Variants in FAM153A observed in about 807,000 individuals in gnomAD.
FAM153A encodes the protein family with sequence similarity 153 member A.
In FAM153A, 12 loss-of-function variants were observed where a neutral mutation model predicts 48.1. The ratio of observed to expected loss-of-function variants is 0.25; its 90% CI spans 0.16 to 0.40. The LOEUF is 0.40. FAM153A is among the 10% of genes least tolerant of loss of function. The probability of loss-of-function intolerance (pLI) is 1.00; values close to 1 mark genes in which losing one functional copy is unlikely to be tolerated. For synonymous variants in FAM153A, 36 were observed against 118.2 expected (o/e 0.30, Z 4.51); for missense variants, 111 against 345.8 (o/e 0.32, Z 5.38).
At chr5:177,756,241 G>A (rs1252541450), upstream of FAM153A, among the ~76,000 whole-genome samples, 3 of 148,756 alleles carry the variant, frequency 2.0e-5, no homozygotes, top group Non-Finnish European at 4.4e-5. Flanking sequence ...GACAAAGAAG[G>A]CCATTACATA....
Position 177,751,014 on chromosome 5 carries a change from GCATCCTAGGATACACTATTT to G in FAM153A, c.50_69del (p.Glu17AlafsTer12). The G allele has an allele frequency of 1.3e-6, 1 of 744,376 alleles. No individual in the cohort carries two copies. Among genetic ancestry groups the G allele is most frequent in the South Asian group, 1.3e-5 (1 of 74,884 alleles). The allele number at this position is 744,376 out of a possible 1,614,324, so 46.1% of individuals were successfully genotyped here. A position where few individuals can be genotyped will look rare whatever the true frequency, so the allele number is the denominator to read the frequency against. ...CGGTGGCAGACGGTGGATTCCCCTGGCATCCTAGGATACACTATTTCATCCTCGCCACAACACACTGGGAA... is the reference window on the plus strand; with the variant it reads ...CGGTGGCAGACGGTGGATTCCCCTGGCATCCTCGCCACAACACACTGGGAA... On this transcript the variant is annotated frameshift_variant, in exon 2 of 21. Transcript: ENST00000614127. LOFTEE classifies it high-confidence loss of function.
At chr5:177,747,927 CT>C (rs1766276116) in intron 3 of FAM153A, 134 bp from the exon 6 acceptor site, 1 of 329,264 alleles carries the variant, frequency 3.0e-6, no homozygotes, top group Non-Finnish European at 5.1e-6. Context: ...CTTTTTCTTT[CT>C]TTCTCTTTTT....
downstream of FAM153A, among the ~76,000 whole-genome samples, chr5:177,709,130 A>G (rs1277726510): frequency 7.9e-5 from 10 of 126,788 alleles, no homozygotes; most frequent in African/African-American, 1.3e-4. Flanking sequence ...AAAAAAAAAA[A>G]AAGAAAGAAA....
chr5:177,753,217 C>T (rs576612446), upstream of FAM153A: 8 of 1,608,864 alleles, frequency 5.0e-6, no homozygotes, highest in Non-Finnish European at 6.8e-6. Flanking sequence ...TGTGAGTCCT[C>T]TGAGACAACT....
downstream of FAM153A, chr5:177,718,552 C>T (rs1424944554): frequency 5.2e-5 from 7 of 134,714 alleles, 1 homozygote; most frequent in African/African-American, 1.6e-4. Flanking sequence ...GCCAGTTGTT[C>T]GAAATAAACC....
At chr5:177,710,917 T>C (rs1758372453), downstream of FAM153A, among the ~76,000 whole-genome samples, 1 of 151,540 alleles carries the variant, frequency 6.6e-6, no homozygotes, top group East Asian at 1.9e-4. Flanking sequence ...CCCAAAGTGC[T>C]GAAATTACAG....
At chr5:177,749,169 C>A (rs1277451161) in intron 2 of FAM153A, among the ~76,000 whole-genome samples, 1 of 151,076 alleles carries the variant, frequency 6.6e-6, no homozygotes, top group Non-Finnish European at 1.5e-5. Context: ...TAATCAAGTG[C>A]ACACTTCAGG....
intron 1 of FAM153A, among the ~76,000 whole-genome samples, chr5:177,768,019 C>G (rs1290982092): frequency 1.6e-5 from 1 of 64,112 alleles, no homozygotes; most frequent in Non-Finnish European, 3.1e-5. Flanking sequence ...GAAACTGCCT[C>G]CCTACATCAG....
chr5:177,746,131 G>C (rs1765951130), intron 4 of FAM153A, among the ~76,000 whole-genome samples: 1 of 151,506 alleles, frequency 6.6e-6, no homozygotes, highest in Non-Finnish European at 1.5e-5. Flanking sequence ...CCAAGAGCTT[G>C]GGAAATTCAA....
At chr5:177,716,964 AGTGTGTGTGTGTGTGTGTGT>A (rs59312087) in intron 24 of FAM153A, among the ~76,000 whole-genome samples, 1 of 127,652 alleles carries the variant, frequency 7.8e-6, no homozygotes, top group Admixed American at 8.4e-5. Context: ...ATTCCCGCTT[AGTGTGTGTGTGTGTGTGTGT>A]GTGTGTGTGT....
chr5:177,739,146 A>G lies in FAM153A; in HGVS notation c.538-9T>C, dbSNP rs1447328112. 1.2e-6 allele frequency: 2 copies of G among 1,612,676 alleles called. No homozygotes were observed. The highest frequency in any genetic ancestry group is 2.2e-5 in the South Asian group (2 of 91,018). On this transcript the variant is annotated splice_polypyrimidine_tract_variant and intron_variant, in intron 9 of 20. Transcript: ENST00000614127. ...TGGGTGCCTGCGTCTGCCTGCGTTT[A>G]GAGAAAGAAAAACACCATGAGGGTA... is the stretch of plus-strand genomic sequence containing the variant.
Position 177,772,286 on chromosome 5 carries a change from C to G in FAM153A, c.-57+8163G>C, listed in dbSNP as rs1202618648. On this transcript the variant is annotated intron_variant, in intron 1 of 8. Coordinates refer to the FAM153A transcript ENST00000393518. ...ATGGCCGAATAGGAACAGCTCCGGTCTACAGCTCCCAGCGTGAGCGACGCA... is the reference window on the plus strand; with the variant it reads ...ATGGCCGAATAGGAACAGCTCCGGTGTACAGCTCCCAGCGTGAGCGACGCA... 8.7e-5 allele frequency among the ~76,000 whole-genome samples: 8 copies of G among 91,850 alleles called. 3 individuals carry two copies. The East Asian group carries it at 2.7e-3, about 31-fold the overall frequency. 60.3% of individuals were successfully genotyped at this position (91,850 alleles called of 152,430 possible).
upstream of FAM153A, among the ~76,000 whole-genome samples, chr5:177,755,860 G>A (rs960711101): frequency 3.3e-5 from 5 of 149,282 alleles, 1 homozygote; most frequent in Non-Finnish European, 7.4e-5. Flanking sequence ...AGGAACAACC[G>A]GTACCAGCCA....
At chr5:177,739,128 C>T in exon 10 of FAM153A, 5 of 1,612,792 alleles carry the variant, frequency 3.1e-6, no homozygotes, top group Non-Finnish European at 4.2e-6. Flanking sequence ...GTTTGGGTGC[C>T]TGCGTCTGCC....
At chr5:177,694,323 C>G in the FAM153A span, among the ~76,000 whole-genome samples, 2 of 139,618 alleles carry the variant, frequency 1.4e-5, no homozygotes, top group Non-Finnish European at 3.1e-5. Flanking sequence ...GGCCAGAGAC[C>G]TTTAGTTGTC....
At chr5:177,699,297 A>C in the FAM153A span, among the ~76,000 whole-genome samples, 1 of 151,570 alleles carries the variant, frequency 6.6e-6, no homozygotes, top group Non-Finnish European at 1.5e-5. Flanking sequence ...AAAGAAGATC[A>C]AACTACACTC....
Position 177,732,495 on chromosome 5 carries a change from C to T in FAM153A, c.761-395G>A, listed in dbSNP as rs1320697439. 4.7e-5 allele frequency among the ~76,000 whole-genome samples: 4 copies of T among 85,724 alleles called. 1 individual carries two copies. Among genetic ancestry groups the T allele is most frequent in the Non-Finnish European group, 9.6e-5 (4 of 41,540 alleles). The allele number at this position is 85,724 out of a possible 152,430, so 56.2% of individuals were successfully genotyped here. On this transcript the variant is annotated intron_variant, in intron 14 of 20. Transcript: ENST00000614127. Reference sequence around the variant, plus strand: ...CCTGTCCTGCTGCTGTGTTTTTTGTCCCTCCCAGAACTTGCTTTTTTTTTT... The same window carrying T: ...CCTGTCCTGCTGCTGTGTTTTTTGTTCCTCCCAGAACTTGCTTTTTTTTTT...
At chr5:177,739,074 G>T (rs769252861) in intron 10 of FAM153A, 39 bp downstream of exon 12, 1 of 1,610,644 alleles carries the variant, frequency 6.2e-7, no homozygotes, top group East Asian at 2.2e-5. Context: ...TCAACACTAA[G>T]ATTTTTCCTT....
At chr5:177,749,383 G>C (rs1039699821) in intron 2 of FAM153A, among the ~76,000 whole-genome samples, 4 of 123,126 alleles carry the variant, frequency 3.2e-5, no homozygotes, top group Non-Finnish European at 6.9e-5. Flanking sequence ...ACCAAAAGCT[G>C]CTTCTTAGAA....
Sources: allele counts gnomAD v4.1 joint callset (sites outside exome capture counted in the v4.1 genomes callset), GRCh38; gene constraint gnomAD v4.1.1; transcripts MANE v1.5; gene names NCBI Gene and HGNC (gene_info 2026-07-23, HGNC 2026-07-21).